DENND1B: variants seen among roughly 807,000 people sequenced by gnomAD.
DENND1B encodes the protein DENN domain containing 1B, also known as DENN domain-containing protein 1B.
Under a neutral mutation model 90.1 loss-of-function variants are expected in DENND1B, and 59 were observed. The ratio of observed to expected loss-of-function variants is 0.65; its 90% CI spans 0.53 to 0.81. DENND1B has a LOEUF of 0.81. DENND1B is among the 40% of genes least tolerant of loss of function. The probability of loss-of-function intolerance (pLI) is 0.00; values close to 1 mark genes in which losing one functional copy is unlikely to be tolerated. For missense variants in DENND1B, 862 were observed against 912.6 expected (o/e 0.94, Z 0.71); for synonymous variants, 337 against 324.6 (o/e 1.04, Z -0.41).
At chr1:197,581,559 G>A (rs1309319889) in intron 15 of DENND1B, among the ~76,000 whole-genome samples, 1 of 152,048 alleles carries the variant, frequency 6.6e-6, no homozygotes, top group Non-Finnish European at 1.5e-5. Flanking sequence ...AATCCTGTGA[G>A]GTAGGTGGTA....
chr1:197,650,602 C>T (rs902932665), intron 7 of DENND1B, among the ~76,000 whole-genome samples: 1 of 152,058 alleles, frequency 6.6e-6, no homozygotes, highest in Non-Finnish European at 1.5e-5. Context: ...ACTGCAAAAT[C>T]GTGGAATCAA....
intron 7 of DENND1B, among the ~76,000 whole-genome samples, chr1:197,651,631 G>GA (rs1428372325): frequency 7.1e-6 from 1 of 140,036 alleles, no homozygotes; most frequent in Non-Finnish European, 1.5e-5. Context: ...GATTTCACCT[G>GA]AAAATCAATG....
intron 11 of DENND1B, among the ~76,000 whole-genome samples, chr1:197,613,290 C>G (rs1677343054): frequency 6.6e-6 from 1 of 150,696 alleles, no homozygotes; most frequent in Admixed American, 6.6e-5. Flanking sequence ...ATCTATATAT[C>G]CAGAATTTAC....
At chr1:197,536,192 C>CATGAGATGAG (rs1241450105) in intron 20 of DENND1B, among the ~76,000 whole-genome samples, 1 of 148,734 alleles carries the variant, frequency 6.7e-6, no homozygotes, top group Non-Finnish European at 1.5e-5. Context: ...GATGAGATGA[C>CATGAGATGAG]ATGAGATGAG....
chr1:197,544,627 C>T (rs934203864), intron 18 of DENND1B, among the ~76,000 whole-genome samples: 12 of 151,532 alleles, frequency 7.9e-5, no homozygotes, highest in African/African-American at 2.9e-4. Context: ...GAAGAATTGT[C>T]TTGGGCCACA....
chr1:197,544,396 T>A (rs1196831161), intron 18 of DENND1B, among the ~76,000 whole-genome samples: 1 of 152,090 alleles, frequency 6.6e-6, no homozygotes, highest in Non-Finnish European at 1.5e-5. Flanking sequence ...AGTAGCTAAG[T>A]GTCTTCAGAG....
chr1:197,714,558 T>G lies in DENND1B; in HGVS notation c.126+473A>C, dbSNP rs897668656. Among the ~76,000 whole-genome samples, 3 of 152,012 alleles carry G rather than the reference T, an allele frequency of 2.0e-5. No individual in the cohort carries two copies. In the East Asian group the frequency reaches 5.8e-4, roughly 29 times the overall value. On this transcript the variant is annotated intron_variant, in intron 3 of 22. Coordinates refer to ENST00000620048, the MANE Select transcript of DENND1B (RefSeq NM_001195215.2). ...AGTAAAGCTATAGGTAAGAACTATTTTAAAATAAAAAAAGTGATAATTCAA... is the reference window on the plus strand; with the variant it reads ...AGTAAAGCTATAGGTAAGAACTATTGTAAAATAAAAAAAGTGATAATTCAA...
rs1293243859 is a variant in DENND1B, at chr1:197,505,062, G to A, written c.*5398C>T. ...CGCAAGAGAAATAAACTTTGGAAAAGTTCAATTTTGAACCCCTCCTGTGGC... is the reference window on the plus strand; with the variant it reads ...CGCAAGAGAAATAAACTTTGGAAAAATTCAATTTTGAACCCCTCCTGTGGC... On this transcript the variant is annotated 3_prime_UTR_variant, in exon 23 of 23. Transcript: ENST00000620048. 6.6e-6 allele frequency: 1 copy of A among 151,726 alleles called. No homozygotes were observed. Among genetic ancestry groups the A allele is most frequent in the African/African-American group, 2.4e-5 (1 of 41,374 alleles). The allele number at this position is 151,726 out of a possible 1,614,324, so 9.4% of individuals were successfully genotyped here.
At chr1:197,588,379 A>G (rs1674898232) in intron 14 of DENND1B, among the ~76,000 whole-genome samples, 4 of 152,218 alleles carry the variant, frequency 2.6e-5, no homozygotes, top group Admixed American at 1.3e-4. Context: ...TGTAAGAACA[A>G]GAAAATACTT....
chr1:197,668,542 T>C (rs1011779705), intron 5 of DENND1B, among the ~76,000 whole-genome samples: 2 of 151,794 alleles, frequency 1.3e-5, no homozygotes, highest in African/African-American at 4.8e-5. Flanking sequence ...TTATTGCGTA[T>C]ACTTTCTTTT....
At chr1:197,544,374 C>G (rs1670560265) in intron 18 of DENND1B, among the ~76,000 whole-genome samples, 1 of 151,998 alleles carries the variant, frequency 6.6e-6, no homozygotes, top group African/African-American at 2.4e-5. Flanking sequence ...ATCTCACATT[C>G]ATGAAATGAG....
At chr1:197,754,274 T>C (rs1448905200) in intron 2 of DENND1B, among the ~76,000 whole-genome samples, 1 of 152,166 alleles carries the variant, frequency 6.6e-6, no homozygotes, top group Non-Finnish European at 1.5e-5. Context: ...AATCTGCCAA[T>C]ACATATCAAA....
At chr1:197,684,820 A>C (rs1445373092) in intron 3 of DENND1B, among the ~76,000 whole-genome samples, 1 of 152,174 alleles carries the variant, frequency 6.6e-6, no homozygotes, top group Non-Finnish European at 1.5e-5. Flanking sequence ...AATTTGAGGC[A>C]TTTTATTTAA....
chr1:197,766,704 T>C (rs1206838099), intron 2 of DENND1B, among the ~76,000 whole-genome samples: 1 of 152,184 alleles, frequency 6.6e-6, no homozygotes, highest in Non-Finnish European at 1.5e-5. Context: ...ACATTTAAAA[T>C]CATTTCTACA....
chr1:197,713,658 G>A (rs1256959548), intron 3 of DENND1B, among the ~76,000 whole-genome samples: 5 of 72,848 alleles, frequency 6.9e-5, no homozygotes, highest in East Asian at 8.1e-4. Flanking sequence ...TGGGTGCAGC[G>A]CACCAGCATG....
chr1:197,772,729 G>A, intron 2 of DENND1B, 139 bp downstream of exon 2: 1 of 666,366 alleles, frequency 1.5e-6, no homozygotes, highest in East Asian at 2.8e-5. Context: ...GGAGGCTGAG[G>A]TGGGAGGATC....
At chr1:197,781,409 A>G in the DENND1B span, among the ~76,000 whole-genome samples, 1 of 152,210 alleles carries the variant, frequency 6.6e-6, no homozygotes, top group Admixed American at 6.5e-5. Flanking sequence ...GAAAAGTTAT[A>G]AAGTATTTAA....
chr1:197,656,593 A>T (rs1275751961), intron 6 of DENND1B, among the ~76,000 whole-genome samples: 5 of 152,158 alleles, frequency 3.3e-5, no homozygotes, highest in Non-Finnish European at 5.9e-5. Context: ...TGAGGCCAAG[A>T]ATTTGAGACC....
chr1:197,561,320 T>G (rs1219377462), intron 15 of DENND1B, among the ~76,000 whole-genome samples: 2 of 151,914 alleles, frequency 1.3e-5, no homozygotes, highest in Non-Finnish European at 2.9e-5. Context: ...GGTCCTTGTT[T>G]TAATGAGCCT....
Sources: gnomAD v4.1 joint callset for allele counts (sites outside exome capture counted in the v4.1 genomes callset) on GRCh38, gnomAD v4.1.1 for gene constraint, MANE v1.5 for transcripts, NCBI Gene and HGNC (gene_info 2026-07-23, HGNC 2026-07-21) for gene names.